TTC39C: variants seen among roughly 807,000 people sequenced by gnomAD.
TTC39C encodes tetratricopeptide repeat protein 39C.
TTC39C carries 33 observed loss-of-function variants against 76.3 expected under a neutral mutation model. The observed-to-expected ratio is 0.43, with a 90% confidence interval of 0.33 to 0.58. TTC39C has a LOEUF of 0.58. Ranked by LOEUF, TTC39C falls within the 20% of genes least tolerant of loss-of-function variation. The pLI, the probability that TTC39C is intolerant of heterozygous loss-of-function variation, is 0.04. For missense variants in TTC39C, 595 were observed against 701.4 expected (o/e 0.85, Z 1.71); for synonymous variants, 254 against 260.6 (o/e 0.97, Z 0.24).
At chr18:24,097,857 C>T (rs1478420825) in intron 6 of TTC39C, among the ~76,000 whole-genome samples, 1 of 152,222 alleles carries the variant, frequency 6.6e-6, no homozygotes, top group African/African-American at 2.4e-5. Flanking sequence ...GATAGGGGCT[C>T]TTTTCAAGTT....
At chr18:24,115,755 ATATTACG>A (rs1344007150) in intron 7 of TTC39C, among the ~76,000 whole-genome samples, 1 of 152,234 alleles carries the variant, frequency 6.6e-6, no homozygotes, top group Non-Finnish European at 1.5e-5. Context: ...CCAATAAACA[ATATTACG>A]TTTTAAATGC....
chr18:24,015,049 C>A lies in TTC39C; in HGVS notation c.167+11C>A. The A allele has an allele frequency of 7.0e-7, 1 of 1,423,210 alleles. No homozygotes were observed. 88.2% of individuals were successfully genotyped at this position (1,423,210 alleles called of 1,614,324 possible). ...TTTCAAACAATACAGGTGACCCACG[C>A]GTCCCCGATTCCCCAACCCTGCAGC... On this transcript the variant is annotated intron_variant, in intron 1 of 13. Transcript: ENST00000317571.
At chr18:24,046,857 C>CT (rs1481291543) in intron 1 of TTC39C, among the ~76,000 whole-genome samples, 9 of 151,690 alleles carry the variant, frequency 5.9e-5, no homozygotes, top group Non-Finnish European at 1.2e-4. Flanking sequence ...AAGCAATATG[C>CT]TTTTTTCATG....
intron 4 of TTC39C, chr18:24,077,092 C>G (rs1285278543): frequency 3.3e-5 from 5 of 152,180 alleles, no homozygotes; most frequent in Admixed American, 3.3e-4. Context: ...CAGGTGTTCA[C>G]TCCTCTGTTG....
intron 6 of TTC39C, among the ~76,000 whole-genome samples, chr18:24,096,366 A>G (rs1380759369): frequency 6.6e-6 from 1 of 152,194 alleles, no homozygotes; most frequent in Non-Finnish European, 1.5e-5. Context: ...TTTTCTGTCT[A>G]TTACTTTCAT....
chr18:24,050,116 C>T (rs1422277438), intron 1 of TTC39C, among the ~76,000 whole-genome samples: 4 of 152,190 alleles, frequency 2.6e-5, no homozygotes, highest in South Asian at 2.1e-4. Context: ...CTGCCAGCCC[C>T]CAGTCGCCAA....
intron 1 of TTC39C, among the ~76,000 whole-genome samples, chr18:24,045,927 ATTTTTTTTTTTTTT>A (rs1156578816): frequency 3.9e-5 from 1 of 25,678 alleles, no homozygotes; most frequent in Non-Finnish European, 6.4e-5. Context: ...ATATATATAT[ATTTTTTTTTTTTTT>A]TTTTTTTTTT....
chr18:24,101,570 AAC>A (rs1335800638), intron 6 of TTC39C, among the ~76,000 whole-genome samples: 3 of 152,262 alleles, frequency 2.0e-5, no homozygotes, highest in East Asian at 3.9e-4. Context: ...AAAAAAAAAA[AAC>A]ATCCACATAG....
intron 1 of TTC39C, among the ~76,000 whole-genome samples, chr18:24,007,392 T>C (rs2083362500): frequency 6.6e-6 from 1 of 152,192 alleles, no homozygotes. Flanking sequence ...TCTTTATTTA[T>C]TTATTTTTGG....
At chr18:24,001,890 A>C (rs901286088) in intron 1 of TTC39C, among the ~76,000 whole-genome samples, 2 of 138,016 alleles carry the variant, frequency 1.4e-5, no homozygotes, top group African/African-American at 5.5e-5. Flanking sequence ...CAGTGGCGCA[A>C]TCTCGGCTCA....
intron 8 of TTC39C, among the ~76,000 whole-genome samples, chr18:24,122,957 C>T (rs1013418845): frequency 6.6e-6 from 1 of 152,148 alleles, no homozygotes; most frequent in Non-Finnish European, 1.5e-5. Context: ...ACCCTATGTG[C>T]GTGTGTGAGC....
intron 10 of TTC39C, 137 bp from the exon 11 acceptor site, chr18:24,128,749 C>A: frequency 1.6e-6 from 1 of 627,362 alleles, no homozygotes; most frequent in Non-Finnish European, 2.7e-6. Context: ...AACATAACTT[C>A]TTTTATTAAG....
At chr18:24,104,894 C>T (rs1277851295) in intron 6 of TTC39C, among the ~76,000 whole-genome samples, 2 of 151,894 alleles carry the variant, frequency 1.3e-5, no homozygotes, top group African/African-American at 4.8e-5. Flanking sequence ...TTCCACATCC[C>T]CAGTAGTATT....
At chr18:24,013,396 T>C (rs1320209676), upstream of TTC39C, among the ~76,000 whole-genome samples, 1 of 152,234 alleles carries the variant, frequency 6.6e-6, no homozygotes, top group Non-Finnish European at 1.5e-5. Context: ...TGTATGGATT[T>C]AGATATTCTT....
chr18:24,020,110 A>G, intron 1 of TTC39C: 1 of 1,277,062 alleles, frequency 7.8e-7, no homozygotes. Context: ...AGATGTAAGA[A>G]AAGGAGAAGA....
intron 1 of TTC39C, among the ~76,000 whole-genome samples, chr18:24,046,989 G>A (rs1269428632): frequency 6.6e-6 from 1 of 151,794 alleles, no homozygotes; most frequent in East Asian, 1.9e-4. Flanking sequence ...TATCAGCTCT[G>A]TAGTACATAG....
At chr18:24,128,004 G>T (rs1419443670) in intron 10 of TTC39C, among the ~76,000 whole-genome samples, 1 of 152,136 alleles carries the variant, frequency 6.6e-6, no homozygotes, top group East Asian at 1.9e-4. Context: ...GTCCCTCCCT[G>T]CTCTTCTCCC....
At chr18:24,092,497 T>C (rs1300407237) in intron 6 of TTC39C, among the ~76,000 whole-genome samples, 1 of 152,216 alleles carries the variant, frequency 6.6e-6, no homozygotes, top group African/African-American at 2.4e-5. Flanking sequence ...TATCAACTGA[T>C]GAATGGATAA....
intron 4 of TTC39C, chr18:24,076,933 G>C (rs1447340320): frequency 6.6e-6 from 1 of 152,144 alleles, no homozygotes; most frequent in East Asian, 1.9e-4. Context: ...TTAGTTCCAC[G>C]TACTCAGGAT....
Sources: gnomAD v4.1 joint callset for allele counts (sites outside exome capture counted in the v4.1 genomes callset) on GRCh38, gnomAD v4.1.1 for gene constraint, MANE v1.5 for transcripts, NCBI Gene and HGNC (gene_info 2026-07-23, HGNC 2026-07-21) for gene names.